The following TMEM132D variants were observed in gnomAD, a reference collection of about 807,000 sequenced individuals.
The protein encoded by TMEM132D is transmembrane protein 132D.
TMEM132D carries 21 observed loss-of-function variants against 62.3 expected under a neutral mutation model. That is an observed-to-expected ratio of 0.34 (90% CI 0.24 to 0.49). TMEM132D has a LOEUF of 0.49. Among genes scored for constraint, TMEM132D ranks in the 20% least tolerant of loss-of-function variants. TMEM132D has a pLI of 0.99. For synonymous variants in TMEM132D, 621 were observed against 575.6 expected, an observed-to-expected ratio of 1.08 and a Z score of -1.13; for missense variants, 1,346 against 1,402.8, an observed-to-expected ratio of 0.96 and a Z score of 0.65.
chr12:129,248,509 A>G (rs998588380), intron 4 of TMEM132D, among the ~76,000 whole-genome samples: 5 of 137,596 alleles, frequency 3.6e-5, no homozygotes, highest in South Asian at 5.1e-4. Context: ...CATAACAAAC[A>G]TAGAAACAGG....
At chr12:129,316,610 C>T (rs150989034) in intron 4 of TMEM132D, among the ~76,000 whole-genome samples, 52 of 152,114 alleles carry the variant, frequency 3.4e-4, no homozygotes, top group African/African-American at 1.1e-3. Context: ...TTGAATAGAA[C>T]GTGTTTTCTG....
intron 4 of TMEM132D, among the ~76,000 whole-genome samples, chr12:129,239,972 G>A (rs1879892759): frequency 6.6e-6 from 1 of 152,172 alleles, no homozygotes; most frequent in Admixed American, 6.5e-5. Context: ...GAGCAAAAGT[G>A]TTCTTCTCTT....
At chr12:129,112,383 C>T (rs145112395) in intron 5 of TMEM132D, among the ~76,000 whole-genome samples, 24 of 152,300 alleles carry the variant, frequency 1.6e-4, no homozygotes, top group South Asian at 4.1e-4. Context: ...ATTAAGTGGC[C>T]GGGCACGGTG....
chr12:129,589,882 T>C (rs545856821), intron 2 of TMEM132D, among the ~76,000 whole-genome samples: 5 of 152,198 alleles, frequency 3.3e-5, no homozygotes, highest in Non-Finnish European at 7.3e-5. Context: ...CCTGGATTGT[T>C]CCCTGGACTT....
In TMEM132D at chr12:129,823,091, C is replaced by T. The variant is rs148236938; in HGVS notation, c.79+80170G>A. ...GGTTGTTTAAAAGTATGTGGCACCT[C>T]GCACATCTCTTTCTTGTTCTTGCTT... On this transcript the variant is annotated intron_variant, in intron 1 of 8. Transcript: ENST00000422113. Among the ~76,000 whole-genome samples, 961 of 152,234 alleles carry T rather than the reference C, an allele frequency of 6.3e-3. 7 individuals carry two copies. The highest frequency in any genetic ancestry group is 0.022 in the African/African-American group (895 of 41,550).
chr12:129,567,156 C>T (rs1164119918), intron 2 of TMEM132D, among the ~76,000 whole-genome samples: 3 of 152,210 alleles, frequency 2.0e-5, no homozygotes, highest in African/African-American at 7.2e-5. Context: ...GTATTTGACT[C>T]TTTGTCAACA....
intron 2 of TMEM132D, among the ~76,000 whole-genome samples, chr12:129,647,379 G>A (rs1390316728): frequency 6.6e-6 from 1 of 151,700 alleles, no homozygotes; most frequent in Non-Finnish European, 1.5e-5. Context: ...GGATGCTTAG[G>A]TTGTTTCCAA....
intron 5 of TMEM132D, among the ~76,000 whole-genome samples, chr12:129,149,093 T>C (rs1018286920): frequency 6.6e-6 from 1 of 151,970 alleles, no homozygotes; most frequent in Non-Finnish European, 1.5e-5. Context: ...TAGATGAAGC[T>C]GGAAACCATC....
intron 2 of TMEM132D, among the ~76,000 whole-genome samples, chr12:129,613,861 C>G (rs1878844757): frequency 6.7e-6 from 1 of 148,924 alleles, no homozygotes; most frequent in Admixed American, 6.7e-5. Context: ...CAGAACCCAA[C>G]CAGCTCCAGA....
chr12:129,619,250 G>A (rs1018173860), intron 2 of TMEM132D, among the ~76,000 whole-genome samples: 2 of 152,132 alleles, frequency 1.3e-5, no homozygotes, highest in African/African-American at 4.8e-5. Context: ...TCAGATGGTC[G>A]AGGGGCCTTC....
intron 3 of TMEM132D, among the ~76,000 whole-genome samples, chr12:129,433,202 A>G (rs961743493): frequency 2.6e-5 from 4 of 152,204 alleles, no homozygotes; most frequent in Non-Finnish European, 5.9e-5. Flanking sequence ...TATTACAAAT[A>G]GTGATACCAG....
At position 129,356,147 on chromosome 12, in the gene TMEM132D, A is replaced by ATTTTTTTTTTTT. The variant is rs35842499; in HGVS notation, c.1116-18342_1116-18331dup. 3.3e-4 allele frequency among the ~76,000 whole-genome samples: 12 copies of ATTTTTTTTTTTT among 36,548 alleles called. 2 individuals carry two copies. The highest frequency in any genetic ancestry group is 4.3e-4 in the Non-Finnish European group (9 of 20,720). The allele number at this position is 36,548 out of a possible 152,430, so 24.0% of individuals were successfully genotyped here. A position where few individuals can be genotyped will look rare whatever the true frequency, so the allele number is the denominator to read the frequency against. ...GTCTGCTTCTAGAGAAACTGAAGGG[A>ATTTTTTTTTTTT]TTTTTTTTTTTTTTTTTTTTTTTTT... On this transcript the variant is annotated intron_variant, in intron 3 of 8. Transcript: ENST00000422113.
intron 5 of TMEM132D, among the ~76,000 whole-genome samples, chr12:129,192,860 T>C (rs956306620): frequency 6.6e-6 from 1 of 152,210 alleles, no homozygotes; most frequent in Non-Finnish European, 1.5e-5. Context: ...ACTACCATTC[T>C]AATGTTGGGC....
intron 3 of TMEM132D, among the ~76,000 whole-genome samples, chr12:129,425,222 G>C (rs1160653756): frequency 2.0e-5 from 3 of 152,150 alleles, no homozygotes; most frequent in Non-Finnish European, 4.4e-5. Flanking sequence ...TTCATGCGCA[G>C]GTTTTTAGGT....
chr12:129,345,455 A>C (rs774203430), intron 3 of TMEM132D, among the ~76,000 whole-genome samples: 3 of 152,214 alleles, frequency 2.0e-5, no homozygotes, highest in Non-Finnish European at 2.9e-5. Context: ...GTTTCAACGG[A>C]ATGGGCTTAA....
chr12:129,102,439 A>G (rs1389513748), intron 5 of TMEM132D, among the ~76,000 whole-genome samples: 1 of 150,742 alleles, frequency 6.6e-6, no homozygotes, highest in African/African-American at 2.4e-5. Flanking sequence ...TGGCATATGC[A>G]CATACACACA....
chr12:129,097,774 C>T (rs1034871320), intron 5 of TMEM132D, among the ~76,000 whole-genome samples: 3 of 152,182 alleles, frequency 2.0e-5, no homozygotes, highest in Admixed American at 1.3e-4. Flanking sequence ...ACTTTTCCTC[C>T]CTTTGTTTCT....
At chr12:129,181,132 A>T (rs1471576415) in intron 5 of TMEM132D, among the ~76,000 whole-genome samples, 1 of 152,130 alleles carries the variant, frequency 6.6e-6, no homozygotes, top group African/African-American at 2.4e-5. Context: ...CTCATACTCA[A>T]TTCAAACCCA....
Position 129,081,697 on chromosome 12 carries a change from G to A in TMEM132D, c.1923+62C>T, listed in dbSNP as rs570142144. Reference sequence around the variant, plus strand: ...TGACAAACAGCTGGTTTCTCCTCTAGGTAGAGCAGAGGTGGGAAGACAGAG... The same window carrying A: ...TGACAAACAGCTGGTTTCTCCTCTAAGTAGAGCAGAGGTGGGAAGACAGAG... On this transcript the variant is annotated intron_variant, in intron 7 of 8. Transcript: ENST00000422113. 1,262 of 1,516,146 alleles carry A rather than the reference G, an allele frequency of 8.3e-4. 10 individuals are homozygous for A. The highest frequency in any genetic ancestry group is 1.8e-4 in the Non-Finnish European group (206 of 1,132,362). 93.9% of individuals were successfully genotyped at this position (1,516,146 alleles called of 1,614,324 possible).
Sources: gnomAD v4.1 joint callset for allele counts (sites outside exome capture counted in the v4.1 genomes callset) on GRCh38, gnomAD v4.1.1 for gene constraint, MANE v1.5 for transcripts, NCBI Gene and HGNC (gene_info 2026-07-23, HGNC 2026-07-21) for gene names.